Variants in MAMLD1 observed in about 807,000 individuals in gnomAD.
MAMLD1 encodes mastermind-like domain-containing protein 1.
MAMLD1 carries 14 observed loss-of-function variants against 45.0 expected under a neutral mutation model. That is an observed-to-expected ratio of 0.31 (90% CI 0.21 to 0.49). The LOEUF is 0.49. Ranked by LOEUF, MAMLD1 falls within the 20% of genes least tolerant of loss-of-function variation. MAMLD1 has a pLI of 0.99. For missense variants in MAMLD1, 543 were observed against 603.6 expected, an observed-to-expected ratio of 0.90 and a Z score of 1.05; for synonymous variants, 254 against 247.8, an observed-to-expected ratio of 1.02 and a Z score of -0.24.
intron 1 of MAMLD1, among the ~76,000 whole-genome samples, chrX:150,432,950 A>C (rs782398373): frequency 1.2e-4 from 13 of 111,801 alleles, no homozygotes; most frequent in Non-Finnish European, 2.1e-4. Flanking sequence ...TCTCTGAAGA[A>C]TGTCATTGTT....
Position 150,403,968 on chromosome X carries a change from G to GAAAGAAAGAAAGAAAGAAAGAAAGAA in MAMLD1, c.-64+40440_-64+40465dup, listed in dbSNP as rs2033915960. ...AGAAAGAAAGAAAGAAAGAAAGAAA[G>GAAAGAAAGAAAGAAAGAAAGAAAGAA]AAAGAAAGAAAGAAAGAAAGAAAGA... is the stretch of plus-strand genomic sequence containing the variant. On this transcript the variant is annotated intron_variant, in intron 1 of 7. Transcript: ENST00000370401. 9.7e-3 allele frequency among the ~76,000 whole-genome samples: 872 copies of GAAAGAAAGAAAGAAAGAAAGAAAGAA among 89,846 alleles called. 15 individuals carry two copies. Among genetic ancestry groups the GAAAGAAAGAAAGAAAGAAAGAAAGAA allele is most frequent in the Middle Eastern group, 0.029 (5 of 173 alleles). The allele number at this position is 89,846 out of a possible 115,157, so 78.0% of individuals were successfully genotyped here. A position where few individuals can be genotyped will look rare whatever the true frequency, so the allele number is the denominator to read the frequency against.
chrX:150,476,953 AC>A (rs1466402387), intron 5 of MAMLD1, among the ~76,000 whole-genome samples: 2 of 112,528 alleles, frequency 1.8e-5, no homozygotes, highest in African/African-American at 6.5e-5. Context: ...CACTATCCCC[AC>A]CTGTGGCCTC....
chrX:150,498,173 T>C (rs782629531), intron 5 of MAMLD1, among the ~76,000 whole-genome samples: 17 of 111,502 alleles, frequency 1.5e-4, no homozygotes, highest in South Asian at 7.7e-4. Context: ...TAGAACAGCA[T>C]GTCCAGTTTT....
intron 5 of MAMLD1, among the ~76,000 whole-genome samples, chrX:150,482,031 A>AGAAT (rs2036831401): frequency 1.9e-5 from 2 of 107,696 alleles, no homozygotes; most frequent in African/African-American, 3.4e-5. Flanking sequence ...AAAGAAAGAA[A>AGAAT]GAATTGAAAG....
At chrX:150,448,540 C>T (rs1436478843) in intron 2 of MAMLD1, among the ~76,000 whole-genome samples, 3 of 112,283 alleles carry the variant, frequency 2.7e-5, no homozygotes, top group Non-Finnish European at 3.8e-5. Flanking sequence ...ACCTTTTCAG[C>T]ATCTGTTCAT....
chrX:150,404,238 G>A (rs1167696783), intron 1 of MAMLD1, among the ~76,000 whole-genome samples: 1 of 112,006 alleles, frequency 8.9e-6, no homozygotes, highest in Admixed American at 9.4e-5. Context: ...AAGGTCCACT[G>A]TATTCATTGG....
At chrX:150,492,538 G>C (rs1250326505) in intron 5 of MAMLD1, among the ~76,000 whole-genome samples, 1 of 112,092 alleles carries the variant, frequency 8.9e-6, no homozygotes, top group African/African-American at 3.2e-5. Context: ...GAAAGTGGCT[G>C]CCTTTGGGAT....
intron 1 of MAMLD1, among the ~76,000 whole-genome samples, chrX:150,423,451 C>CT (rs1332621786): frequency 1.9e-5 from 2 of 104,775 alleles, no homozygotes; most frequent in Admixed American, 1.0e-4. Context: ...AGCTGCTGCC[C>CT]GTTTCCTTTG....
chrX:150,375,425 G>A (rs1314399509), intron 1 of MAMLD1, among the ~76,000 whole-genome samples: 3 of 112,364 alleles, frequency 2.7e-5, no homozygotes, highest in African/African-American at 9.7e-5. Context: ...ACCCTCAGAG[G>A]GAGATCCTGG....
chrX:150,382,612 T>C (rs1569564426), intron 1 of MAMLD1, among the ~76,000 whole-genome samples: 2 of 111,662 alleles, frequency 1.8e-5, no homozygotes, highest in East Asian at 5.6e-4. Context: ...GTAAACATAG[T>C]ATGTCTCCTC....
At chrX:150,366,455 C>T (rs2031461458) in intron 1 of MAMLD1, among the ~76,000 whole-genome samples, 1 of 112,064 alleles carries the variant, frequency 8.9e-6, no homozygotes, top group South Asian at 3.7e-4. Context: ...CTCCTTTGTG[C>T]TTCTCTTCTG....
intron 5 of MAMLD1, among the ~76,000 whole-genome samples, chrX:150,497,156 T>C (rs1603017566): frequency 8.9e-6 from 1 of 112,194 alleles, no homozygotes; most frequent in East Asian, 2.8e-4. Context: ...GCTTAGGGGA[T>C]ACCCTGCTCC....
At chrX:150,369,358 T>A (rs1018266839) in intron 1 of MAMLD1, among the ~76,000 whole-genome samples, 3 of 112,210 alleles carry the variant, frequency 2.7e-5, no homozygotes, top group Admixed American at 9.4e-5. Context: ...AAATAGTCAT[T>A]TTCTGGGAAA....
intron 2 of MAMLD1, among the ~76,000 whole-genome samples, chrX:150,455,256 G>C (rs1421006145): frequency 8.9e-6 from 1 of 112,057 alleles, no homozygotes; most frequent in Non-Finnish European, 1.9e-5. Context: ...GTTTGGATGA[G>C]GGATCTTTCA....
intron 7 of MAMLD1, among the ~76,000 whole-genome samples, chrX:150,511,762 T>C (rs971828196): frequency 4.5e-5 from 5 of 112,269 alleles, no homozygotes; most frequent in Non-Finnish European, 9.4e-5. Context: ...TCCAGTGTGA[T>C]CTGCTCTTGG....
intron 1 of MAMLD1, among the ~76,000 whole-genome samples, chrX:150,376,013 G>A (rs1201716090): frequency 1.8e-5 from 2 of 111,451 alleles, no homozygotes; most frequent in African/African-American, 3.3e-5. Context: ...GAGGGCCACC[G>A]ACATGTGGTC....
intron 1 of MAMLD1, among the ~76,000 whole-genome samples, chrX:150,364,143 C>A (rs2031194661): frequency 8.8e-6 from 1 of 113,044 alleles, no homozygotes; most frequent in Admixed American, 9.2e-5. Context: ...TGGGTTCCTG[C>A]GGAGCAGCCC....
chrX:150,496,763 C>T (rs1020191979), intron 5 of MAMLD1, among the ~76,000 whole-genome samples: 1 of 112,096 alleles, frequency 8.9e-6, no homozygotes, highest in African/African-American at 3.2e-5. Flanking sequence ...GCCTTGGTCA[C>T]TGTGAAAATG....
chrX:150,495,651 TG>T (rs1468743935), intron 5 of MAMLD1, among the ~76,000 whole-genome samples: 1 of 112,247 alleles, frequency 8.9e-6, no homozygotes, highest in East Asian at 2.8e-4. Context: ...TCTTCCAGGG[TG>T]GGGGACAGGC....
Sources: gnomAD v4.1 joint callset for allele counts (sites outside exome capture counted in the v4.1 genomes callset) on GRCh38, gnomAD v4.1.1 for gene constraint, MANE v1.5 for transcripts, NCBI Gene and HGNC (gene_info 2026-07-23, HGNC 2026-07-21) for gene names.